The following SLC6A15 variants were observed in gnomAD, a reference collection of about 807,000 sequenced individuals.
SLC6A15 encodes solute carrier family 6 member 15.
In SLC6A15, 33 loss-of-function variants were observed where a neutral mutation model predicts 68.5. The observed-to-expected ratio is 0.48, with a 90% CI of 0.37 to 0.64. The LOEUF (loss-of-function observed/expected upper bound fraction) is 0.64. Among genes scored for constraint, SLC6A15 ranks in the 30% least tolerant of loss-of-function variants. The probability of loss-of-function intolerance (pLI) is 0.00; values close to 1 mark genes in which losing one functional copy is unlikely to be tolerated. For synonymous variants in SLC6A15, 347 were observed against 301.0 expected, an observed-to-expected ratio of 1.15 and a Z score of -1.58; for missense variants, 747 against 874.3, an observed-to-expected ratio of 0.85 and a Z score of 1.84.
Position 84,873,302 on chromosome 12 carries a change from G to A in SLC6A15, c.894C>T (p.Val298=), listed in dbSNP as rs1871371064. Residue 298 remains valine (V), a synonymous_variant, in exon 7 of 12, where the codon GTC becomes GTT. Transcript: ENST00000266682. ...PKLEIMLEPK[V]WREAATQVFF... is the part of the protein sequence containing the mutation. The stretch of plus-strand genomic sequence containing the variant: ...ACACTTGAGTAGCAGCTTCTCTCCA[G>A]ACCTTGGGCTCCAGCATTATTTCAA... 2.5e-6 allele frequency: 4 copies of A among 1,613,920 alleles called. No homozygotes were observed. Among genetic ancestry groups the A allele is most frequent in the Non-Finnish European group, 3.4e-6 (4 of 1,179,970 alleles).
At chr12:84,893,608 C>G (rs900198582) in intron 1 of SLC6A15, among the ~76,000 whole-genome samples, 3 of 152,110 alleles carry the variant, frequency 2.0e-5, no homozygotes, top group Admixed American at 2.0e-4. Context: ...TTCCGCCCTT[C>G]ATTTCTGGAA....
intron 1 of SLC6A15, among the ~76,000 whole-genome samples, chr12:84,896,041 T>C (rs1872623470): frequency 6.6e-6 from 1 of 152,102 alleles, no homozygotes; most frequent in Non-Finnish European, 1.5e-5. Context: ...GCTCGATAGG[T>C]CATATGGACA....
intron 6 of SLC6A15, among the ~76,000 whole-genome samples, chr12:84,875,687 TATATATATATATGAG>T (rs1301713502): frequency 9.1e-4 from 3 of 3,308 alleles, no homozygotes; most frequent in African/African-American, 1.1e-3. Flanking sequence ...TATATATATA[TATATATATATATGAG>T]AATCAAAAAC....
Position 84,861,388 on chromosome 12 carries a change from A to T in SLC6A15, c.*244T>A. On this transcript the variant is annotated 3_prime_UTR_variant, in exon 12 of 12. Coordinates refer to ENST00000266682, the MANE Select transcript of SLC6A15 (RefSeq NM_182767.6). The stretch of plus-strand genomic sequence containing the variant: ...AAATACACCAAAGGTACTTAAAAAA[A>T]AATCCTGGCAAACATGTACCTCAGC... 2.7e-6 allele frequency: 1 copy of T among 376,732 alleles called. No individual in the cohort carries two copies. Among genetic ancestry groups the T allele is most frequent in the South Asian group, 1.1e-4 (1 of 8,902 alleles). The allele number at this position is 376,732 out of a possible 1,614,324, so 23.3% of individuals were successfully genotyped here.
At chr12:84,894,562 T>A (rs1022692380) in intron 1 of SLC6A15, among the ~76,000 whole-genome samples, 2 of 152,008 alleles carry the variant, frequency 1.3e-5, no homozygotes, top group Non-Finnish European at 2.9e-5. Context: ...AGAAAAAAAA[T>A]TTTAAATAGT....
At chr12:84,888,897 A>C (rs1872247519) in intron 2 of SLC6A15, among the ~76,000 whole-genome samples, 1 of 152,074 alleles carries the variant, frequency 6.6e-6, no homozygotes, top group African/African-American at 2.4e-5. Flanking sequence ...TTGTCCCTGA[A>C]GCAAGTCACA....
At chr12:84,889,869 C>CTA (rs1315438869) in intron 2 of SLC6A15, among the ~76,000 whole-genome samples, 2 of 152,200 alleles carry the variant, frequency 1.3e-5, no homozygotes, top group African/African-American at 4.8e-5. Context: ...AGTCTCTATA[C>CTA]TATACCACCT....
chr12:84,899,361 A>G (rs1196899102), intron 1 of SLC6A15, among the ~76,000 whole-genome samples: 2 of 152,144 alleles, frequency 1.3e-5, no homozygotes, highest in Admixed American at 6.5e-5. Flanking sequence ...AAAATTCAGC[A>G]TTTGCTTAGT....
intron 1 of SLC6A15, among the ~76,000 whole-genome samples, chr12:84,904,832 G>A (rs1010187425): frequency 2.6e-5 from 4 of 152,104 alleles, no homozygotes; most frequent in Non-Finnish European, 5.9e-5. Flanking sequence ...AGTAACTGAG[G>A]TGTAACCAAT....
intron 1 of SLC6A15, among the ~76,000 whole-genome samples, chr12:84,910,735 C>A (rs1873396778): frequency 6.6e-6 from 1 of 152,158 alleles, no homozygotes; most frequent in Admixed American, 6.5e-5. Context: ...GAGCCAGAAC[C>A]GCCTCTTCAT....
At chr12:84,880,346 A>T (rs7974606) in intron 5 of SLC6A15, among the ~76,000 whole-genome samples, 6,189 of 152,268 alleles carry the variant, frequency 0.041, 401 homozygotes, top group African/African-American at 0.14. Flanking sequence ...TATTAGACCA[A>T]AACAGCCACT....
At chr12:84,896,780 A>C (rs980086901) in intron 1 of SLC6A15, among the ~76,000 whole-genome samples, 2 of 152,244 alleles carry the variant, frequency 1.3e-5, no homozygotes, top group African/African-American at 4.8e-5. Context: ...GTTACAAAGA[A>C]AACATTTATT....
In SLC6A15 at chr12:84,891,948, T is replaced by G; in HGVS notation, c.173A>C (p.Glu58Ala). Residue 58 changes from glutamate (E) to alanine (A), a missense_variant, in exon 2 of 12, where the codon GAA (glutamate) becomes GCA (alanine). Physicochemically the swap from Glu to Ala is moderately radical, Grantham distance 107. Transcript: ENST00000266682. ...DTDVEEGSEV[E>A]DERPAWNSKL... ...ACTGTTCCAAGCTGGTCTTTCATCT[T>G]CGACTTCAGATCCTTCTTCAACATC... is the stretch of plus-strand genomic sequence containing the variant. 1.2e-6 allele frequency: 2 copies of G among 1,614,070 alleles called. No individual in the cohort carries two copies. Among genetic ancestry groups the G allele is most frequent in the Middle Eastern group, 3.3e-4 (2 of 6,060 alleles).
intron 9 of SLC6A15, chr12:84,867,848 A>G (rs1871124894): frequency 6.6e-6 from 1 of 152,180 alleles, no homozygotes; most frequent in Admixed American, 6.5e-5. Flanking sequence ...ATCTAAAAAG[A>G]GTTTCCCCAG....
chr12:84,882,229 T>C, intron 5 of SLC6A15: 1 of 985,354 alleles, frequency 1.0e-6, no homozygotes, highest in Non-Finnish European at 1.2e-6. Flanking sequence ...TGATATTATG[T>C]TAGGAATCAT....
At chr12:84,883,214 G>A (rs532990412) in intron 5 of SLC6A15, 19 of 982,864 alleles carry the variant, frequency 1.9e-5, no homozygotes, top group African/African-American at 3.5e-5. Flanking sequence ...TTCCTAGAGC[G>A]TCCTTTAAAA....
In SLC6A15 at chr12:84,861,872, A is replaced by C; in HGVS notation, c.1953T>G (p.Asn651Lys). The C allele has an allele frequency of 6.2e-7, 1 of 1,613,988 alleles. No homozygotes were observed. The highest frequency in any genetic ancestry group is 8.5e-7 in the Non-Finnish European group (1 of 1,179,914). The change falls in exon 12 of 12, where the codon AAT becomes AAG. Residue 651 changes from asparagine (N) to lysine (K), a missense_variant. Coordinates refer to ENST00000266682, the MANE Select transcript of SLC6A15 (RefSeq NM_182767.6). ...CTCTCTTATAGGTCACAGATGCTAA[A>C]TTACCAGAACTATCATCTATAAGGT... ...RFNLIDDSSG[N>K]LASVTYKRGR...
intron 4 of SLC6A15, 38 bp downstream of exon 4, chr12:84,885,397 T>C: frequency 6.5e-7 from 1 of 1,533,892 alleles, no homozygotes; most frequent in Non-Finnish European, 8.7e-7. Context: ...ACTCTTATAA[T>C]GCTTAAATAC....
chr12:84,869,332 C>T (rs188321635), intron 9 of SLC6A15, among the ~76,000 whole-genome samples: 2 of 151,916 alleles, frequency 1.3e-5, no homozygotes, highest in East Asian at 2.0e-4. Context: ...CGTGTTGGCA[C>T]GCGCCTGTAG....
Sources: gnomAD v4.1 joint callset for allele counts (sites outside exome capture counted in the v4.1 genomes callset) on GRCh38, gnomAD v4.1.1 for gene constraint, MANE v1.5 for transcripts, NCBI Gene and HGNC (gene_info 2026-07-23, HGNC 2026-07-21) for gene names.